The following CNKSR3 variants were observed in gnomAD, a reference collection of about 807,000 sequenced individuals.
The protein encoded by CNKSR3 is connector enhancer of kinase suppressor of ras 3.
In CNKSR3, 36 loss-of-function variants were observed where a neutral mutation model predicts 67.7. The ratio of observed to expected loss-of-function variants is 0.53; its 90% confidence interval spans 0.41 to 0.70. The LOEUF is 0.70. CNKSR3 is among the 30% of genes least tolerant of loss of function. CNKSR3 has a pLI of 0.00. For missense variants in CNKSR3, 630 were observed against 695.2 expected (o/e 0.91, Z 1.05); for synonymous variants, 281 against 271.4 (o/e 1.04, Z -0.35).
At chr6:154,434,205 C>T (rs1264715905) in intron 4 of CNKSR3, 1 of 152,268 alleles carries the variant, frequency 6.6e-6, no homozygotes, top group East Asian at 1.9e-4. Flanking sequence ...ATAGGAATCA[C>T]CATTGTCTTG....
rs1414492120 is a variant in CNKSR3, at chr6:154,450,195, T to C, written c.116A>G (p.Gln39Arg). ...KFEREKINGE[Q>R]LLQISHQDLE... ...GTCCTGATGGGAAATCTGCAGCAGC[T>C]GCTCGCCGTTGATCTTCTCTCGTTC... is the stretch of plus-strand genomic sequence containing the variant. Residue 39 changes from glutamine (Q) to arginine (R), a missense_variant, in exon 2 of 13, where the codon CAG becomes CGG. Gln to Arg is a conservative substitution (Grantham distance 43). This residue lies in a region of CNKSR3 where 189 missense variants were observed against 205.0 expected (regional missense o/e 0.92). Coordinates refer to ENST00000607772, the MANE Select transcript of CNKSR3 (RefSeq NM_173515.4). 1 of 1,614,100 alleles carries C rather than the reference T, an allele frequency of 6.2e-7. No homozygotes were observed. Among genetic ancestry groups the C allele is most frequent in the African/African-American group, 1.3e-5 (1 of 74,934 alleles).
chr6:154,484,748 A>G (rs1184605861), intron 1 of CNKSR3, among the ~76,000 whole-genome samples: 1 of 151,944 alleles, frequency 6.6e-6, no homozygotes, highest in Non-Finnish European at 1.5e-5. Flanking sequence ...TCAAACCTAA[A>G]TATGATTATC....
At chr6:154,458,965 T>TACC (rs959561258) in intron 1 of CNKSR3, among the ~76,000 whole-genome samples, 1 of 151,924 alleles carries the variant, frequency 6.6e-6, no homozygotes, top group African/African-American at 2.4e-5. Flanking sequence ...ACTCAGAAGT[T>TACC]ACCTTTACTT....
At chr6:154,508,288 ATG>A (rs982520979) in intron 1 of CNKSR3, among the ~76,000 whole-genome samples, 6 of 152,222 alleles carry the variant, frequency 3.9e-5, no homozygotes, top group Admixed American at 3.9e-4. Context: ...TCATTTCCAC[ATG>A]TAATAAAAAG....
intron 7 of CNKSR3, among the ~76,000 whole-genome samples, chr6:154,423,413 G>T (rs1425679160): frequency 1.3e-5 from 2 of 152,156 alleles, no homozygotes; most frequent in African/African-American, 4.8e-5. Context: ...ACAGGTGGCT[G>T]CCACCATGCC....
intron 7 of CNKSR3, among the ~76,000 whole-genome samples, chr6:154,424,892 C>T (rs1014040816): frequency 6.6e-6 from 1 of 152,176 alleles, no homozygotes; most frequent in Non-Finnish European, 1.5e-5. Flanking sequence ...CTGCCTCAAC[C>T]TCCCGGGTAG....
intron 2 of CNKSR3, among the ~76,000 whole-genome samples, chr6:154,447,434 G>A (rs1408208740): frequency 1.3e-5 from 2 of 152,216 alleles, no homozygotes; most frequent in Non-Finnish European, 1.5e-5. Flanking sequence ...AAGAAAAATT[G>A]GGTACAGATT....
At chr6:154,406,948 T>C (rs1291324665) in intron 12 of CNKSR3, among the ~76,000 whole-genome samples, 1 of 119,064 alleles carries the variant, frequency 8.4e-6, no homozygotes, top group Non-Finnish European at 1.8e-5. Flanking sequence ...CGAGACTCTG[T>C]CCCCTCCAGG....
intron 3 of CNKSR3, 73 bp downstream of exon 3, chr6:154,442,015 C>G (rs899092738): frequency 4.4e-6 from 6 of 1,374,962 alleles, no homozygotes; most frequent in Non-Finnish European, 5.9e-6. Context: ...TTTCCTAAGA[C>G]AAAGTACAGC....
intron 1 of CNKSR3, among the ~76,000 whole-genome samples, chr6:154,502,157 T>C (rs1361023637): frequency 6.6e-6 from 1 of 151,446 alleles, no homozygotes; most frequent in South Asian, 2.1e-4. Flanking sequence ...TCCACACATA[T>C]GCCATACGTT....
At chr6:154,460,471 A>G (rs1786055634) in intron 1 of CNKSR3, among the ~76,000 whole-genome samples, 1 of 152,224 alleles carries the variant, frequency 6.6e-6, no homozygotes, top group South Asian at 2.1e-4. Context: ...TAAAGACAAA[A>G]ACACAACTGT....
intron 1 of CNKSR3, among the ~76,000 whole-genome samples, chr6:154,484,821 C>G (rs148437665): frequency 8.9e-4 from 126 of 141,946 alleles, no homozygotes; most frequent in African/African-American, 3.1e-3. Context: ...TTGTTACCAT[C>G]TGGATGGAGG....
At chr6:154,483,525 C>G (rs924359081) in intron 1 of CNKSR3, among the ~76,000 whole-genome samples, 1 of 151,880 alleles carries the variant, frequency 6.6e-6, no homozygotes, top group African/African-American at 2.4e-5. Context: ...CACTTATCCT[C>G]GAAAACCATC....
Position 154,489,365 on chromosome 6 carries a change from G to A in CNKSR3, c.52+20698C>T, listed in dbSNP as rs568642560. ...TGGTAACACGGTGAAACCACATCTC[G>A]ACTAAAAATACAAAAATTAGCCTGG... On this transcript the variant is annotated intron_variant, in intron 1 of 12. Coordinates refer to ENST00000607772, the MANE Select transcript of CNKSR3 (RefSeq NM_173515.4). Among the ~76,000 whole-genome samples the A allele has an allele frequency of 5.3e-5, 8 of 151,982 alleles. No homozygotes were observed. The South Asian group carries it at 1.0e-3, about 20-fold the overall frequency.
At chr6:154,433,040 T>A (rs1168054828) in intron 5 of CNKSR3, among the ~76,000 whole-genome samples, 3 of 152,150 alleles carry the variant, frequency 2.0e-5, no homozygotes, top group Non-Finnish European at 4.4e-5. Context: ...AAGGAGGAAG[T>A]GATGATGAAT....
At chr6:154,484,175 G>A (rs1487585606) in intron 1 of CNKSR3, among the ~76,000 whole-genome samples, 2 of 152,144 alleles carry the variant, frequency 1.3e-5, no homozygotes, top group African/African-American at 4.8e-5. Flanking sequence ...AAAATATTTG[G>A]ACTGAATGAT....
Position 154,402,951 on chromosome 6 carries a change from T to C in CNKSR3, c.*3403A>G, listed in dbSNP as rs779381497. On this transcript the variant is annotated 3_prime_UTR_variant, in exon 13 of 13. Transcript: ENST00000607772. The stretch of plus-strand genomic sequence containing the variant: ...ACATATGAAAATAATTATTTCATTA[T>C]AAAATATCTTATCTGTTTCAGTTAG... 6 of 152,216 alleles carry C rather than the reference T, an allele frequency of 3.9e-5. No homozygotes were observed. Among genetic ancestry groups the C allele is most frequent in the Admixed American group, 6.5e-5 (1 of 15,276 alleles). 9.4% of individuals were successfully genotyped at this position (152,216 alleles called of 1,614,324 possible).
At chr6:154,464,774 T>C (rs1786158000) in intron 1 of CNKSR3, among the ~76,000 whole-genome samples, 1 of 151,304 alleles carries the variant, frequency 6.6e-6, no homozygotes, top group Non-Finnish European at 1.5e-5. Flanking sequence ...TAGTGAGCCA[T>C]AAAGCCCAGG....
intron 5 of CNKSR3, among the ~76,000 whole-genome samples, chr6:154,432,006 C>T (rs1220649791): frequency 1.3e-5 from 2 of 152,076 alleles, no homozygotes; most frequent in East Asian, 3.8e-4. Flanking sequence ...ATTTTCAACT[C>T]CTTTGGGTAA....
Sources: allele counts gnomAD v4.1 joint callset (sites outside exome capture counted in the v4.1 genomes callset), GRCh38; gene constraint gnomAD v4.1.1; regional missense constraint gnomAD v4.1.1; transcripts MANE v1.5; gene names NCBI Gene and HGNC (gene_info 2026-07-23, HGNC 2026-07-21).